Variants in SLC9A9 observed in about 807,000 individuals in gnomAD.
The protein encoded by SLC9A9 is solute carrier family 9 member A9, also known as sodium/hydrogen exchanger 9.
Under a neutral mutation model 77.8 loss-of-function variants are expected in SLC9A9, and 62 were observed. That is an observed-to-expected ratio of 0.80 (90% CI 0.65 to 0.98). The LOEUF is 0.98. SLC9A9 is among the 50% of genes least tolerant of loss of function. SLC9A9 has a pLI of 0.00. For missense variants in SLC9A9, 775 were observed against 774.9 expected (o/e 1.00, Z 0.00); for synonymous variants, 320 against 283.5 (o/e 1.13, Z -1.29).
At chr3:143,289,879 C>T (rs1216653470) in intron 14 of SLC9A9, among the ~76,000 whole-genome samples, 1 of 152,196 alleles carries the variant, frequency 6.6e-6, no homozygotes, top group Non-Finnish European at 1.5e-5. Context: ...GCTTACAACA[C>T]CATCAAAAGC....
At chr3:143,480,854 G>A (rs2035562429) in intron 11 of SLC9A9, among the ~76,000 whole-genome samples, 1 of 152,168 alleles carries the variant, frequency 6.6e-6, no homozygotes, top group Non-Finnish European at 1.5e-5. Flanking sequence ...CTGCAAAGAG[G>A]TAAGCTTGGA....
chr3:143,465,267 T>C (rs2035264046), intron 12 of SLC9A9, among the ~76,000 whole-genome samples: 1 of 152,228 alleles, frequency 6.6e-6, no homozygotes, highest in Admixed American at 6.5e-5. Flanking sequence ...CCTTTCTTAC[T>C]AGGCTTTGTC....
chr3:143,811,226 C>G (rs1024389220), intron 2 of SLC9A9, among the ~76,000 whole-genome samples: 3 of 152,134 alleles, frequency 2.0e-5, no homozygotes, highest in Admixed American at 1.3e-4. Context: ...AAATAGGAGA[C>G]TTCAAAGGAA....
intron 4 of SLC9A9, among the ~76,000 whole-genome samples, chr3:143,759,746 C>T (rs754877813): frequency 2.6e-5 from 4 of 151,974 alleles, no homozygotes; most frequent in Non-Finnish European, 5.9e-5. Flanking sequence ...GTTTCTATCT[C>T]CCCATATTTA....
intron 2 of SLC9A9, among the ~76,000 whole-genome samples, chr3:143,807,452 G>C (rs527647929): frequency 6.6e-6 from 1 of 151,572 alleles, no homozygotes; most frequent in Non-Finnish European, 1.5e-5. Context: ...TGAAAACTGA[G>C]GCACTAAGGA....
At chr3:143,376,328 G>A (rs180912679) in intron 13 of SLC9A9, among the ~76,000 whole-genome samples, 3 of 152,312 alleles carry the variant, frequency 2.0e-5, no homozygotes, top group Admixed American at 6.5e-5. Context: ...GAAAGAACAC[G>A]TTTACAGATT....
At chr3:143,769,057 TG>T (rs2007425183) in intron 4 of SLC9A9, among the ~76,000 whole-genome samples, 1 of 152,128 alleles carries the variant, frequency 6.6e-6, no homozygotes, top group Non-Finnish European at 1.5e-5. Flanking sequence ...CTCACTTGTA[TG>T]GGGAGAAGAA....
intron 4 of SLC9A9, among the ~76,000 whole-genome samples, chr3:143,706,960 C>T (rs948198721): frequency 6.6e-6 from 1 of 151,946 alleles, no homozygotes; most frequent in African/African-American, 2.4e-5. Context: ...ATTTTTGGTC[C>T]CCAGTCTGAA....
intron 4 of SLC9A9, among the ~76,000 whole-genome samples, chr3:143,747,913 G>C (rs569512314): frequency 1.3e-5 from 2 of 152,202 alleles, no homozygotes; most frequent in South Asian, 4.2e-4. Context: ...TCAGGGTAGG[G>C]AGCGCTCCCA....
intron 14 of SLC9A9, among the ~76,000 whole-genome samples, chr3:143,357,903 G>C (rs2032636523): frequency 6.6e-6 from 1 of 152,004 alleles, no homozygotes; most frequent in Non-Finnish European, 1.5e-5. Context: ...CCGCAGTACA[G>C]GATCATCATT....
intron 2 of SLC9A9, among the ~76,000 whole-genome samples, chr3:143,804,992 G>A (rs932979970): frequency 2.6e-5 from 4 of 152,066 alleles, no homozygotes; most frequent in African/African-American, 9.7e-5. Context: ...TAAATGAAGA[G>A]TATTGTTTTT....
intron 4 of SLC9A9, among the ~76,000 whole-genome samples, chr3:143,750,396 C>A (rs2006664908): frequency 6.6e-6 from 1 of 152,214 alleles, no homozygotes; most frequent in Non-Finnish European, 1.5e-5. Context: ...TAATCAAGGC[C>A]TTAGCCCAGG....
At chr3:143,371,996 G>T (rs1190140568) in intron 13 of SLC9A9, 8 of 416,974 alleles carry the variant, frequency 1.9e-5, no homozygotes, top group Non-Finnish European at 3.3e-5. Context: ...AAATACCTAG[G>T]AATATACTTA....
intron 14 of SLC9A9, among the ~76,000 whole-genome samples, chr3:143,333,638 T>A (rs2031840507): frequency 1.3e-5 from 2 of 151,468 alleles, no homozygotes; most frequent in Admixed American, 1.3e-4. Context: ...CCACATGGCT[T>A]GCCTAGCAAC....
intron 5 of SLC9A9, among the ~76,000 whole-genome samples, chr3:143,667,860 T>C (rs945965642): frequency 1.6e-4 from 24 of 152,162 alleles, no homozygotes; most frequent in Admixed American, 1.2e-3. Flanking sequence ...TGTGGAGAAA[T>C]AGGAACACTC....
In SLC9A9 at chr3:143,621,812, A is replaced by T. The variant is rs1288430494; in HGVS notation, c.755+30443T>A. On this transcript the variant is annotated intron_variant, in intron 6 of 15. Coordinates refer to ENST00000316549, the MANE Select transcript of SLC9A9 (RefSeq NM_173653.4). ...GAAGAAGGCTTCAGACGATCAAACT[A>T]CCCTGAGCTAAAGGAGAAAGTTCGA... 3.3e-5 allele frequency among the ~76,000 whole-genome samples: 5 copies of T among 152,132 alleles called. No homozygotes were observed. The South Asian group carries it at 1.0e-3, about 32-fold the overall frequency.
intron 14 of SLC9A9, among the ~76,000 whole-genome samples, chr3:143,309,426 A>G (rs2030936427): frequency 6.6e-6 from 1 of 152,126 alleles, no homozygotes; most frequent in Non-Finnish European, 1.5e-5. Flanking sequence ...GCAAAAAAAA[A>G]AAAAAAAGGT....
intron 1 of SLC9A9, among the ~76,000 whole-genome samples, chr3:143,835,879 G>A (rs181876146): frequency 2.0e-5 from 3 of 152,206 alleles, no homozygotes; most frequent in African/African-American, 7.2e-5. Context: ...CCAGGTTGAG[G>A]TTCCTGCATA....
chr3:143,759,035 A>G (rs1194168899), intron 4 of SLC9A9, among the ~76,000 whole-genome samples: 1 of 152,190 alleles, frequency 6.6e-6, no homozygotes, highest in Non-Finnish European at 1.5e-5. Context: ...CATCTTCTCA[A>G]CAGTGCTATG....
Sources: gnomAD v4.1 joint callset for allele counts (sites outside exome capture counted in the v4.1 genomes callset) on GRCh38, gnomAD v4.1.1 for gene constraint, MANE v1.5 for transcripts, NCBI Gene and HGNC (gene_info 2026-07-23, HGNC 2026-07-21) for gene names.